The following ARHGAP17 variants were observed in gnomAD, a reference collection of about 807,000 sequenced individuals.
ARHGAP17 encodes the protein Rho GTPase activating protein 17, also known as rho GTPase-activating protein 17.
Under a neutral mutation model 99.5 loss-of-function variants are expected in ARHGAP17, and 57 were observed. The ratio of observed to expected loss-of-function variants is 0.57; its 90% CI spans 0.46 to 0.71. The LOEUF (loss-of-function observed/expected upper bound fraction) is 0.71. Ranked by LOEUF, ARHGAP17 falls within the 30% of genes least tolerant of loss-of-function variation. The pLI, the probability that ARHGAP17 is intolerant of heterozygous loss-of-function variation, is 0.00. For missense variants in ARHGAP17, 1,000 were observed against 1,122.4 expected, an observed-to-expected ratio of 0.89 and a Z score of 1.56; for synonymous variants, 417 against 429.6, an observed-to-expected ratio of 0.97 and a Z score of 0.36.
intron 1 of ARHGAP17, among the ~76,000 whole-genome samples, chr16:24,997,468 A>G (rs997981091): frequency 6.6e-6 from 1 of 152,252 alleles, no homozygotes; most frequent in African/African-American, 2.4e-5. Flanking sequence ...ATTCTCTATC[A>G]TTATCACAAT....
chr16:24,990,932 T>C (rs1328558483), intron 1 of ARHGAP17, among the ~76,000 whole-genome samples: 1 of 152,000 alleles, frequency 6.6e-6, no homozygotes, highest in Non-Finnish European at 1.5e-5. Flanking sequence ...AGCACCATAG[T>C]CTCCAGGGTC....
In ARHGAP17 at chr16:24,920,148, G is replaced by A. The variant is rs35773631; in HGVS notation, c.2628C>T (p.Thr876=). Residue 876 remains threonine, a synonymous_variant, in exon 20 of 20, where the codon ACC becomes ACT. Coordinates refer to ENST00000289968, the MANE Select transcript of ARHGAP17 (RefSeq NM_001006634.3). ...GRILLDIDND[T]ESTAL ...GCTTTCTTCACAGGGCAGTGCTCTC[G>A]GTATCATTGTCTATATCCAGCAGGA... is the stretch of plus-strand genomic sequence containing the variant. 6.5e-4 allele frequency: 1,047 copies of A among 1,613,972 alleles called. 5 individuals are homozygous for A. In the African/African-American group the frequency reaches 0.012, roughly 19 times the overall value.
At position 24,920,208 on chromosome 16, in the gene ARHGAP17, G is replaced by A. The variant is rs2050684201; in HGVS notation, c.2568C>T (p.His856=). The change falls in exon 20 of 20, where the codon CAC becomes CAT. Residue 856 remains histidine (H), a synonymous_variant. Coordinates refer to ENST00000289968, the MANE Select transcript of ARHGAP17 (RefSeq NM_001006634.3). ...GCACGTCTTTGCTGGCTGAGTCTGA[G>A]TGCATTTCAGGAAAGATGCTGCGAT... ...EPHRSIFPEM[H]SDSASKDVPG... The A allele has an allele frequency of 3.1e-6, 5 of 1,614,184 alleles. No individual in the cohort carries two copies. Among genetic ancestry groups the A allele is most frequent in the Non-Finnish European group, 4.2e-6 (5 of 1,180,032 alleles).
At chr16:24,977,594 T>C in intron 2 of ARHGAP17, 1 of 306,704 alleles carries the variant, frequency 3.3e-6, no homozygotes, top group Non-Finnish European at 6.0e-6. Context: ...CTCCAGTTCA[T>C]GGCAACTGAG....
chr16:24,976,266 C>T (rs1222160533), intron 3 of ARHGAP17, among the ~76,000 whole-genome samples: 1 of 152,188 alleles, frequency 6.6e-6, no homozygotes, highest in Non-Finnish European at 1.5e-5. Flanking sequence ...GTGGCTCATG[C>T]CTGTAATTCC....
intron 1 of ARHGAP17, among the ~76,000 whole-genome samples, chr16:24,985,422 T>A (rs763001783): frequency 6.6e-5 from 10 of 152,220 alleles, no homozygotes; most frequent in Non-Finnish European, 1.3e-4. Context: ...GGGGAGCATC[T>A]GCTTCCTCGC....
chr16:24,968,233 C>G (rs1283451834), intron 6 of ARHGAP17, 118 bp downstream of exon 6: 10 of 1,174,532 alleles, frequency 8.5e-6, no homozygotes, highest in Non-Finnish European at 1.1e-5. Flanking sequence ...AGGCTGGCAC[C>G]CAGTCTGGGG....
intron 1 of ARHGAP17, among the ~76,000 whole-genome samples, chr16:25,000,209 G>T (rs74013614): frequency 6.6e-6 from 1 of 152,072 alleles, no homozygotes; most frequent in African/African-American, 2.4e-5. Context: ...TTAACTAATC[G>T]CCAAGAAAGC....
rs147273448 is a variant in ARHGAP17 at position 24,939,101 on chromosome 16, G to C, written c.1724+263C>G. 8.2e-3 allele frequency among the ~76,000 whole-genome samples: 1,251 copies of C among 152,332 alleles called. 13 individuals carry two copies. Among genetic ancestry groups the C allele is most frequent in the Non-Finnish European group, 0.014 (966 of 68,018 alleles). On this transcript the variant is annotated intron_variant, in intron 17 of 19. Coordinates refer to ENST00000289968, the MANE Select transcript of ARHGAP17 (RefSeq NM_001006634.3). ...GTGACAGAGGCTCATCACACTATGA[G>C]ACATCCACTGGCTTCCGGTTTCCAG...
chr16:24,927,166 G>GC (rs2050864290), intron 19 of ARHGAP17, among the ~76,000 whole-genome samples: 1 of 152,206 alleles, frequency 6.6e-6, no homozygotes, highest in East Asian at 1.9e-4. Flanking sequence ...AGGTACTCAG[G>GC]AGGCTGAGGC....
intron 19 of ARHGAP17, among the ~76,000 whole-genome samples, chr16:24,922,766 C>T (rs2152436813): frequency 6.6e-6 from 1 of 152,238 alleles, no homozygotes; most frequent in Non-Finnish European, 1.5e-5. Context: ...GCCTCCACCT[C>T]CTGGGCTCAA....
chr16:24,999,377 T>C (rs1024428170), intron 1 of ARHGAP17, among the ~76,000 whole-genome samples: 2 of 151,986 alleles, frequency 1.3e-5, no homozygotes, highest in Admixed American at 6.6e-5. Flanking sequence ...GTGTAGTTAT[T>C]ATGTGGTTAA....
At chr16:24,924,719 C>T (rs1379225653) in intron 19 of ARHGAP17, among the ~76,000 whole-genome samples, 6 of 151,806 alleles carry the variant, frequency 4.0e-5, no homozygotes, top group South Asian at 2.1e-4. Context: ...AAAAATTAGC[C>T]GAGCACGGTA....
chr16:24,978,920 T>A, intron 2 of ARHGAP17, 46 bp downstream of exon 2: 1 of 1,467,326 alleles, frequency 6.8e-7, no homozygotes, highest in Non-Finnish European at 9.1e-7. Flanking sequence ...AGGAATTTTT[T>A]TCCATCCTTT....
At chr16:24,922,752 T>C (rs2050748824) in intron 19 of ARHGAP17, among the ~76,000 whole-genome samples, 1 of 152,126 alleles carries the variant, frequency 6.6e-6, no homozygotes, top group Non-Finnish European at 1.5e-5. Flanking sequence ...CTCAGCTCAC[T>C]GCAGCCTCCA....
At chr16:24,937,022 G>A (rs2051158827) in intron 17 of ARHGAP17, among the ~76,000 whole-genome samples, 1 of 151,800 alleles carries the variant, frequency 6.6e-6, no homozygotes, top group Non-Finnish European at 1.5e-5. Flanking sequence ...GGCTGAGGTG[G>A]GAAGATCGCT....
At chr16:25,008,013 C>T (rs1217760297) in intron 1 of ARHGAP17, among the ~76,000 whole-genome samples, 1 of 152,134 alleles carries the variant, frequency 6.6e-6, no homozygotes, top group Non-Finnish European at 1.5e-5. Flanking sequence ...ATTTATTTTA[C>T]CCAACCTGGC....
chr16:24,992,257 A>C (rs973371939), intron 1 of ARHGAP17, among the ~76,000 whole-genome samples: 2 of 152,214 alleles, frequency 1.3e-5, no homozygotes, highest in Non-Finnish European at 2.9e-5. Flanking sequence ...CCCTCTGTGG[A>C]TATCTAGACG....
At chr16:24,989,039 G>A (rs1487891052) in intron 1 of ARHGAP17, among the ~76,000 whole-genome samples, 1 of 152,216 alleles carries the variant, frequency 6.6e-6, no homozygotes, top group South Asian at 2.1e-4. Flanking sequence ...TAAGGGAAAG[G>A]AGCTCAGGAG....
Sources: gnomAD v4.1 joint callset for allele counts (sites outside exome capture counted in the v4.1 genomes callset) on GRCh38, gnomAD v4.1.1 for gene constraint, MANE v1.5 for transcripts, NCBI Gene and HGNC (gene_info 2026-07-23, HGNC 2026-07-21) for gene names.